FBXL2: variants seen among roughly 807,000 people sequenced by gnomAD.
FBXL2 encodes the protein F-box/LRR-repeat protein 2.
A neutral mutation model predicts 69.2 loss-of-function variants in FBXL2; 38 were observed. The observed-to-expected ratio is 0.55, with a 90% CI of 0.42 to 0.72. The LOEUF (loss-of-function observed/expected upper bound fraction) is 0.72, where lower values mean the gene tolerates loss of function less well. FBXL2 is among the 30% of genes least tolerant of loss of function. FBXL2 has a pLI of 0.00. For missense variants in FBXL2, 354 were observed against 520.3 expected, an observed-to-expected ratio of 0.68 and a Z score of 3.11; for synonymous variants, 192 against 201.3, an observed-to-expected ratio of 0.95 and a Z score of 0.39.
In FBXL2 at chr3:33,387,173, AT is replaced by A. The variant is rs1175842298; in HGVS notation, c.*1566del. On this transcript the variant is annotated 3_prime_UTR_variant, in exon 15 of 15. Transcript: ENST00000484457. ...TGTGGATACCATAGCAGTTAGTTAAATATACATTTATACCCACTGTTTGTTG... is the reference window on the plus strand; with the variant it reads ...TGTGGATACCATAGCAGTTAGTTAAAATACATTTATACCCACTGTTTGTTG... The A allele has an allele frequency of 6.6e-6, 1 of 152,074 alleles. No homozygotes were observed. Among genetic ancestry groups the A allele is most frequent in the East Asian group, 1.9e-4 (1 of 5,202 alleles). The allele number at this position is 152,074 out of a possible 1,614,324, so 9.4% of individuals were successfully genotyped here. A position where few individuals can be genotyped will look rare whatever the true frequency, so the allele number is the denominator to read the frequency against.
intron 4 of FBXL2, among the ~76,000 whole-genome samples, chr3:33,364,019 T>C (rs2154043066): frequency 6.6e-6 from 1 of 152,326 alleles, no homozygotes; most frequent in Admixed American, 6.5e-5. Context: ...AAACATTTTT[T>C]AAAAAGTGGA....
At chr3:33,323,983 T>C (rs1461627687) in intron 2 of FBXL2, among the ~76,000 whole-genome samples, 1 of 152,254 alleles carries the variant, frequency 6.6e-6, no homozygotes, top group African/African-American at 2.4e-5. Flanking sequence ...TTCCTGACTT[T>C]TTAATGATCG....
At chr3:33,390,321 A>G (rs1559661204), downstream of FBXL2, 3 of 1,613,714 alleles carry the variant, frequency 1.9e-6, no homozygotes, top group African/African-American at 1.3e-5. Context: ...AGTTCAGTCT[A>G]TATAAGACAT....
intron 4 of FBXL2, among the ~76,000 whole-genome samples, chr3:33,363,165 C>A (rs1333240155): frequency 6.6e-6 from 1 of 152,120 alleles, no homozygotes; most frequent in Non-Finnish European, 1.5e-5. Flanking sequence ...CTCAGCCTCC[C>A]AAGTAGCTAG....
chr3:33,393,462 T>TAA (rs754581679), intron 12 of FBXL2: 99 of 1,344,484 alleles, frequency 7.4e-5, no homozygotes, highest in South Asian at 1.9e-4. Context: ...AAACTGAAAT[T>TAA]AAAAAAAAAA....
intron 2 of FBXL2, among the ~76,000 whole-genome samples, chr3:33,337,017 C>T (rs1032420487): frequency 6.6e-6 from 1 of 151,916 alleles, no homozygotes; most frequent in Non-Finnish European, 1.5e-5. Flanking sequence ...CCAGCCTGGG[C>T]AAAACGATGA....
At chr3:33,397,221 G>T in intron 12 of FBXL2, 1 of 990,960 alleles carries the variant, frequency 1.0e-6, no homozygotes, top group Non-Finnish European at 1.5e-6. Flanking sequence ...GCAGTCCAAT[G>T]TCCTTCAAAA....
At chr3:33,289,796 G>A in intron 1 of FBXL2, 10 of 985,498 alleles carry the variant, frequency 1.0e-5, no homozygotes, top group Non-Finnish European at 1.2e-5. Context: ...TCCTGCTGAG[G>A]TGGGTGGATT....
intron 1 of FBXL2, among the ~76,000 whole-genome samples, chr3:33,285,373 C>T (rs191895649): frequency 1.3e-5 from 2 of 152,338 alleles, no homozygotes; most frequent in South Asian, 2.1e-4. Context: ...TTGGCCCCCA[C>T]TCTCTTCTGG....
chr3:33,420,620 C>G, the FBXL2 span, among the ~76,000 whole-genome samples: 5 of 151,964 alleles, frequency 3.3e-5, 1 homozygote, highest in Admixed American at 6.6e-5. Context: ...TCCTGAGTAG[C>G]TGGGACTACA....
At position 33,402,484 on chromosome 3, in the gene FBXL2, T is replaced by C. The variant is rs979130911; in HGVS notation, n.1215-750T>C. 5.3e-5 allele frequency among the ~76,000 whole-genome samples: 8 copies of C among 152,328 alleles called. No homozygotes were observed. The East Asian group carries it at 1.5e-3, about 29-fold the overall frequency. On this transcript the variant is annotated intron_variant and non_coding_transcript_variant, in intron 12 of 12. Transcript: ENST00000463736. ...TAGTAATAAACTCACTTTGTCCCTC[T>C]CTCTCTACCTATAGACACTGTTAAT...
At position 33,307,267 on chromosome 3, in the gene FBXL2, A is replaced by G. The variant is rs374788266; in HGVS notation, c.65+9542A>G. Among the ~76,000 whole-genome samples the G allele has an allele frequency of 1.1e-4, 17 of 152,334 alleles. No individual in the cohort carries two copies. The South Asian group carries it at 2.5e-3, about 22-fold the overall frequency. On this transcript the variant is annotated intron_variant, in intron 2 of 14. Transcript: ENST00000484457. ...CATATCTGTGGCATTCCTGACAAAA[A>G]TTTATAACCCGAATCTAATCATGAG... is the stretch of plus-strand genomic sequence containing the variant.
At chr3:33,381,435 G>A (rs1039683537) in intron 13 of FBXL2, among the ~76,000 whole-genome samples, 7 of 152,072 alleles carry the variant, frequency 4.6e-5, no homozygotes, top group Non-Finnish European at 7.4e-5. Flanking sequence ...ACCTGAGGTC[G>A]GGAGTTCGAG....
At chr3:33,346,600 A>G (rs1221339589) in intron 2 of FBXL2, among the ~76,000 whole-genome samples, 1 of 152,072 alleles carries the variant, frequency 6.6e-6, no homozygotes, top group Non-Finnish European at 1.5e-5. Context: ...TTTAAAAAAT[A>G]AAAAGGAGTA....
At chr3:33,279,167 AATTG>A (rs1421614895) in intron 1 of FBXL2, among the ~76,000 whole-genome samples, 1 of 152,182 alleles carries the variant, frequency 6.6e-6, no homozygotes, top group East Asian at 1.9e-4. Context: ...ACAGGAGCTT[AATTG>A]ATTGATAAGG....
At chr3:33,400,262 C>T (rs147751266) in intron 12 of FBXL2, 14 of 1,600,816 alleles carry the variant, frequency 8.7e-6, no homozygotes, top group African/African-American at 8.1e-5. Context: ...TTTCCTGGAT[C>T]GTAGCTGAAG....
chr3:33,375,447 G>C, intron 10 of FBXL2, 29 bp downstream of exon 10: 2 of 1,603,614 alleles, frequency 1.2e-6, no homozygotes, highest in Admixed American at 1.7e-5. Context: ...TTGCTTTGCA[G>C]CTCAGAGTTT....
At chr3:33,343,045 A>G (rs910541255) in intron 2 of FBXL2, among the ~76,000 whole-genome samples, 3 of 151,490 alleles carry the variant, frequency 2.0e-5, no homozygotes, top group African/African-American at 4.8e-5. Flanking sequence ...CGGCCAACAA[A>G]TATAACTTCT....
At chr3:33,279,542 A>C (rs568006852) in intron 1 of FBXL2, among the ~76,000 whole-genome samples, 16 of 152,354 alleles carry the variant, frequency 1.1e-4, no homozygotes, top group African/African-American at 3.8e-4. Flanking sequence ...CTGGGATTGC[A>C]GGCTTGAGCC....
Sources: gnomAD v4.1 joint callset for allele counts (sites outside exome capture counted in the v4.1 genomes callset) on GRCh38, gnomAD v4.1.1 for gene constraint, MANE v1.5 for transcripts, NCBI Gene and HGNC (gene_info 2026-07-23, HGNC 2026-07-21) for gene names.